The following PHKB variants were observed in gnomAD, a reference collection of about 807,000 sequenced individuals.
PHKB encodes phosphorylase kinase regulatory subunit beta, also known as phosphorylase b kinase regulatory subunit beta.
In PHKB, 122 loss-of-function variants were observed where a neutral mutation model predicts 152.1. The ratio of observed to expected loss-of-function variants is 0.80; its 90% CI spans 0.69 to 0.93. PHKB has a LOEUF of 0.93. Among genes scored for constraint, PHKB ranks in the 40% least tolerant of loss-of-function variants. The pLI is 0.00. For synonymous variants in PHKB, 436 were observed against 464.9 expected, an observed-to-expected ratio of 0.94 and a Z score of 0.80; for missense variants, 1,304 against 1,328.4, an observed-to-expected ratio of 0.98 and a Z score of 0.29.
At chr16:47,574,878 AAC>A (rs1971723867) in intron 7 of PHKB, among the ~76,000 whole-genome samples, 1 of 152,330 alleles carries the variant, frequency 6.6e-6, no homozygotes, top group East Asian at 1.9e-4. Flanking sequence ...TCTGCAAAGA[AAC>A]AGTTTCATTT....
At position 47,594,218 on chromosome 16, in the gene PHKB, TA is replaced by T. The variant is rs776824966; in HGVS notation, c.1204+5del. The T allele has an allele frequency of 6.7e-7, 1 of 1,482,234 alleles. No homozygotes were observed. Among genetic ancestry groups the T allele is most frequent in the Non-Finnish European group, 9.4e-7 (1 of 1,060,454 alleles). The allele number at this position is 1,482,234 out of a possible 1,614,324, so 91.8% of individuals were successfully genotyped here. ...GTACTTCATCATACCACAGAAGGTA[TA>T]GTTGTTTTTTTAAGAAATTCTTCCT... On this transcript the variant is annotated splice_donor_5th_base_variant and intron_variant, in intron 12 of 30. Transcript: ENST00000323584.
chr16:47,500,653 A>G (rs1970309754), intron 3 of PHKB, among the ~76,000 whole-genome samples: 2 of 152,162 alleles, frequency 1.3e-5, no homozygotes, highest in Admixed American at 6.6e-5. Context: ...ACTTCAGCAT[A>G]GTATCTCTTA....
At position 47,679,555 on chromosome 16, in the gene PHKB, T is replaced by G. The variant is rs536705468; in HGVS notation, c.2631-9486T>G. Among the ~76,000 whole-genome samples the G allele has an allele frequency of 4.1e-3, 618 of 152,196 alleles. 4 individuals carry two copies. Among genetic ancestry groups the G allele is most frequent in the Non-Finnish European group, 5.1e-3 (347 of 67,972 alleles). On this transcript the variant is annotated intron_variant, in intron 26 of 30. Transcript: ENST00000323584. ...CAATTGTGAATGGGAGTTCACTCATTATTTGGCTCTCTGTTTGTCTGTTAT... is the reference window on the plus strand; with the variant it reads ...CAATTGTGAATGGGAGTTCACTCATGATTTGGCTCTCTGTTTGTCTGTTAT...
chr16:47,655,614 G>A (rs770359435), intron 20 of PHKB, among the ~76,000 whole-genome samples: 1 of 152,220 alleles, frequency 6.6e-6, no homozygotes, highest in African/African-American at 2.4e-5. Context: ...GTCAAGCACA[G>A]CATAGAGTTT....
At position 47,593,521 on chromosome 16, in the gene PHKB, G is replaced by T. The variant is rs371296953; in HGVS notation, c.1090G>T (p.Glu364Ter). 148 of 1,482,790 alleles carry T rather than the reference G, an allele frequency of 1.0e-4. No individual in the cohort carries two copies. The highest frequency in any genetic ancestry group is 1.3e-4 in the Non-Finnish European group (139 of 1,060,938). 91.9% of individuals were successfully genotyped at this position (1,482,790 alleles called of 1,614,324 possible). A position where few individuals can be genotyped will look rare whatever the true frequency, so the allele number is the denominator to read the frequency against. ...EIKLFDGIEC[E>*]FPIFFLYMMI... is the part of the protein sequence containing the mutation. ...TTAGCTATTTGATGGCATTGAATGT[G>T]AATTTCCCATATTTTTCCTTTATAT... The change falls in exon 11 of 31, where the codon GAA becomes TAA. Residue 364 changes from glutamate (E) to a stop codon, truncating the protein, a stop_gained. Coordinates refer to ENST00000323584, the MANE Select transcript of PHKB (RefSeq NM_000293.3). LOFTEE classifies it high-confidence loss of function.
chr16:47,510,301 C>T (rs1431761713), intron 4 of PHKB, among the ~76,000 whole-genome samples: 4 of 152,132 alleles, frequency 2.6e-5, no homozygotes, highest in Non-Finnish European at 5.9e-5. Flanking sequence ...CCTTTCTGCA[C>T]GTCCCCTGAA....
intron 4 of PHKB, among the ~76,000 whole-genome samples, chr16:47,511,023 G>T (rs1186845549): frequency 6.6e-6 from 1 of 152,114 alleles, no homozygotes; most frequent in East Asian, 1.9e-4. Context: ...TTGGTCCCCA[G>T]AGTTTTTCTG....
intron 20 of PHKB, among the ~76,000 whole-genome samples, chr16:47,658,876 C>T (rs1048420520): frequency 6.6e-6 from 1 of 151,224 alleles, no homozygotes; most frequent in Admixed American, 6.6e-5. Flanking sequence ...CTATCCCCTA[C>T]ACATACCTAT....
chr16:47,554,093 G>C (rs1231961129), intron 7 of PHKB, among the ~76,000 whole-genome samples: 1 of 152,162 alleles, frequency 6.6e-6, no homozygotes, highest in Non-Finnish European at 1.5e-5. Flanking sequence ...TTGCAAGAAG[G>C]GACGTTTAAG....
intron 14 of PHKB, among the ~76,000 whole-genome samples, chr16:47,635,254 T>C (rs1972898546): frequency 1.3e-5 from 2 of 152,178 alleles, no homozygotes; most frequent in African/African-American, 4.8e-5. Flanking sequence ...AATAGCTTTA[T>C]GTATTAGCTG....
rs544725509 is a variant in PHKB, at chr16:47,469,696, C to CCT, written c.76+8272_76+8273dup. On this transcript the variant is annotated intron_variant, in intron 1 of 30. Coordinates refer to ENST00000323584, the MANE Select transcript of PHKB (RefSeq NM_000293.3). ...ATGATGGGATCATTCACACCCCAAA[C>CCT]CTCAGCATCACGTAATATACCCAGG... is the stretch of plus-strand genomic sequence containing the variant. 2.0e-3 allele frequency among the ~76,000 whole-genome samples: 307 copies of CCT among 152,228 alleles called. 1 individual carries two copies. The highest frequency in any genetic ancestry group is 2.4e-3 in the Non-Finnish European group (162 of 68,016).
intron 3 of PHKB, among the ~76,000 whole-genome samples, chr16:47,501,367 G>A (rs954932558): frequency 1.3e-5 from 2 of 152,088 alleles, no homozygotes; most frequent in African/African-American, 4.8e-5. Context: ...AAATACAACA[G>A]CCAAATGCAA....
chr16:47,514,277 A>G (rs946053216), intron 5 of PHKB, among the ~76,000 whole-genome samples: 5 of 152,208 alleles, frequency 3.3e-5, no homozygotes, highest in Non-Finnish European at 1.5e-5. Flanking sequence ...ATGGAGGCTG[A>G]GAAGTCCCAT....
chr16:47,548,691 A>G (rs1160075436), intron 7 of PHKB, among the ~76,000 whole-genome samples: 1 of 152,170 alleles, frequency 6.6e-6, no homozygotes, highest in Non-Finnish European at 1.5e-5. Context: ...GACTAATCAC[A>G]CACACAAAAA....
rs1329038539 is a variant in PHKB, at chr16:47,461,401, G to C, written c.51G>C (p.Glu17Asp). The change falls in exon 1 of 31, where the codon GAG (glutamate) becomes GAC (aspartate). Residue 17 changes from glutamate to aspartate, a missense_variant. Coordinates refer to ENST00000323584, the MANE Select transcript of PHKB (RefSeq NM_000293.3). Reference protein sequence around the residue: ...LTAEVSWKVLERRARTKRSGS... With the variant: ...LTAEVSWKVLDRRARTKRSGS... ...CAGAAGTGAGCTGGAAGGTCTTGGA[G>C]CGAAGAGCTCGGACCAAGCGCTCAG... The C allele has an allele frequency of 6.2e-7, 1 of 1,613,160 alleles. No individual in the cohort carries two copies. The highest frequency in any genetic ancestry group is 8.5e-7 in the Non-Finnish European group (1 of 1,179,818).
In PHKB at chr16:47,693,451, C is replaced by T. The variant is rs763501714; in HGVS notation, c.2839C>T (p.Gln947Ter). The change falls in exon 28 of 31, where the codon CAG becomes TAG. Residue 947 changes from glutamine (Q) to a stop codon, truncating the protein, a stop_gained. Coordinates refer to ENST00000323584, the MANE Select transcript of PHKB (RefSeq NM_000293.3). LOFTEE classifies it high-confidence loss of function. The part of the protein sequence containing the change: ...TPTGFYDRVW[Q>*]ILERTPNGII... ...CACCGGGTTCTATGACCGAGTGTGG[C>T]AGATTCTGGAGCGCACGCCCAATGG... 7.4e-6 allele frequency: 12 copies of T among 1,613,914 alleles called. No homozygotes were observed. Among genetic ancestry groups the T allele is most frequent in the African/African-American group, 1.3e-5 (1 of 74,914 alleles).
rs1251360464 is a variant in PHKB, at chr16:47,701,207, T to TA, written c.*1845dup. On this transcript the variant is annotated 3_prime_UTR_variant, in exon 31 of 31. Transcript: ENST00000323584. ...ATTAAAGAAAGGGAAACAAAAGACT[T>TA]AAAATTTTTGTTTGCCGAAATTTTT... 2 of 152,218 alleles carry TA rather than the reference T, an allele frequency of 1.3e-5. No individual in the cohort carries two copies. Among genetic ancestry groups the TA allele is most frequent in the African/African-American group, 2.4e-5 (1 of 41,462 alleles). 9.4% of individuals were successfully genotyped at this position (152,218 alleles called of 1,614,324 possible). A position where few individuals can be genotyped will look rare whatever the true frequency, so the allele number is the denominator to read the frequency against.
chr16:47,658,094 C>T (rs1567344425), intron 20 of PHKB, among the ~76,000 whole-genome samples: 1 of 152,186 alleles, frequency 6.6e-6, no homozygotes. Context: ...TTCAAATGGT[C>T]TATGTGCTCT....
Position 47,641,077 on chromosome 16 carries a change from G to A in PHKB, c.1501G>A (p.Ala501Thr), listed in dbSNP as rs1321028146. The A allele has an allele frequency of 6.2e-7, 1 of 1,614,046 alleles. No homozygotes were observed. Among genetic ancestry groups the A allele is most frequent in the South Asian group, 1.1e-5 (1 of 91,066 alleles). Residue 501 changes from alanine (A) to threonine (T), a missense_variant, in exon 15 of 31, where the codon GCA becomes ACA. Coordinates refer to ENST00000323584, the MANE Select transcript of PHKB (RefSeq NM_000293.3). ...CTTGGTAGTTCATGTGGCACTTATA[G>A]CAGAAAGCCAAAGGTATGAAATCCA... ...NDLVVHVALI[A>T]ESQRLQVFLN...
Sources: gnomAD v4.1 joint callset for allele counts (sites outside exome capture counted in the v4.1 genomes callset) on GRCh38, gnomAD v4.1.1 for gene constraint, MANE v1.5 for transcripts, NCBI Gene and HGNC (gene_info 2026-07-23, HGNC 2026-07-21) for gene names.